The following CDHR3 variants were observed in gnomAD, a reference collection of about 807,000 sequenced individuals.
The protein encoded by CDHR3 is cadherin-related family member 3.
In CDHR3, 79 loss-of-function variants were observed where a neutral mutation model predicts 86.6. The observed-to-expected ratio is 0.91, with a 90% CI of 0.76 to 1.10. The LOEUF (loss-of-function observed/expected upper bound fraction) is 1.10, where lower values mean the gene tolerates loss of function less well. Among genes scored for constraint, CDHR3 ranks in the 50% least tolerant of loss-of-function variants. The pLI, the probability that CDHR3 is intolerant of heterozygous loss-of-function variation, is 0.00. For synonymous variants in CDHR3, 421 were observed against 402.4 expected, an observed-to-expected ratio of 1.05 and a Z score of -0.55; for missense variants, 1,081 against 1,077.6, an observed-to-expected ratio of 1.00 and a Z score of -0.04.
intron 12 of CDHR3, among the ~76,000 whole-genome samples, chr7:106,020,035 A>ATG (rs199921513): frequency 1.4e-5 from 2 of 146,030 alleles, no homozygotes; most frequent in African/African-American, 5.1e-5. Context: ...GTCCAGGTGC[A>ATG]TGTGTGTGTG....
rs1477518831 is a variant in CDHR3 at position 106,032,532 on chromosome 7, G to GT, written c.2494dup (p.Ser832PhefsTer11). On this transcript the variant is annotated frameshift_variant, in exon 19 of 19. Transcript: ENST00000317716. LOFTEE classifies it low-confidence loss of function (END_TRUNC). ...GAGTCACTGCTGGGGAAGGGATGGG[G>GT]TCACTGAGAAGTGCCAACTGGGAAG... The GT allele has an allele frequency of 6.2e-7, 1 of 1,613,872 alleles. No individual in the cohort carries two copies. The highest frequency in any genetic ancestry group is 8.5e-7 in the Non-Finnish European group (1 of 1,179,884).
intron 12 of CDHR3, among the ~76,000 whole-genome samples, chr7:106,018,335 T>C (rs1397112239): frequency 6.6e-6 from 1 of 152,172 alleles, no homozygotes; most frequent in African/African-American, 2.4e-5. Context: ...CTCCTGGGCT[T>C]AAGCGATTCT....
At chr7:105,979,323 C>T (rs954299272) in intron 2 of CDHR3, among the ~76,000 whole-genome samples, 1 of 152,140 alleles carries the variant, frequency 6.6e-6, no homozygotes, top group Non-Finnish European at 1.5e-5. Flanking sequence ...TCTACACTTA[C>T]GTGGCTCCTA....
chr7:106,004,222 C>G (rs1833623835), intron 7 of CDHR3, among the ~76,000 whole-genome samples: 1 of 152,204 alleles, frequency 6.6e-6, no homozygotes, highest in Non-Finnish European at 1.5e-5. Context: ...AAGCTGGAGT[C>G]AGTTATTCAC....
intron 4 of CDHR3, among the ~76,000 whole-genome samples, chr7:105,990,868 C>G (rs992971979): frequency 6.6e-6 from 1 of 152,160 alleles, no homozygotes; most frequent in Non-Finnish European, 1.5e-5. Context: ...GGGCCAGCTC[C>G]CTCTCACCTT....
At chr7:106,026,660 G>A (rs1326657678) in intron 15 of CDHR3, 22 bp from the exon 16 acceptor site, 2 of 1,613,166 alleles carry the variant, frequency 1.2e-6, no homozygotes, top group African/African-American at 2.7e-5. Context: ...TGAATTAATA[G>A]CCATTCTTTT....
In CDHR3 at chr7:106,022,408, T is replaced by C; in HGVS notation, c.2036T>C (p.Val679Ala). 1 of 1,613,970 alleles carries C rather than the reference T, an allele frequency of 6.2e-7. No homozygotes were observed. Among genetic ancestry groups the C allele is most frequent in the Non-Finnish European group, 8.5e-7 (1 of 1,179,864 alleles). Residue 679 changes from valine (V) to alanine (A), a missense_variant, in exon 14 of 19, where the codon GTC becomes GCC. Coordinates refer to ENST00000317716, the MANE Select transcript of CDHR3 (RefSeq NM_152750.5). Reference protein sequence around the residue: ...ETGTVTLSIKVIPHPTTIITT... With the variant: ...ETGTVTLSIKAIPHPTTIITT... Reference sequence around the variant, plus strand: ...GGAACAGTGACACTGAGTATTAAAGTCATTCCCCACCCAACCACTATCATC... The same window carrying C: ...GGAACAGTGACACTGAGTATTAAAGCCATTCCCCACCCAACCACTATCATC...
chr7:106,015,599 T>C (rs1444966422), intron 10 of CDHR3, among the ~76,000 whole-genome samples: 1 of 152,206 alleles, frequency 6.6e-6, no homozygotes, highest in Non-Finnish European at 1.5e-5. Context: ...GTGAATTATG[T>C]GGTTTTATAC....
intron 3 of CDHR3, among the ~76,000 whole-genome samples, chr7:105,983,879 T>A (rs1028960026): frequency 2.6e-5 from 4 of 152,102 alleles, no homozygotes; most frequent in Non-Finnish European, 5.9e-5. Flanking sequence ...TGGGTTTACT[T>A]CCCAACTCTC....
At chr7:106,016,869 A>C (rs772039412) in intron 11 of CDHR3, among the ~76,000 whole-genome samples, 1 of 152,224 alleles carries the variant, frequency 6.6e-6, no homozygotes, top group Non-Finnish European at 1.5e-5. Flanking sequence ...GGGAATTCAC[A>C]GATCTTACTG....
chr7:105,970,309 T>C (rs991449705), intron 1 of CDHR3, among the ~76,000 whole-genome samples: 10 of 152,298 alleles, frequency 6.6e-5, no homozygotes, highest in African/African-American at 1.4e-4. Flanking sequence ...GGAAGCCCCA[T>C]TGGTCCATTT....
chr7:106,017,564 G>GGCAC (rs1554527209), intron 11 of CDHR3, among the ~76,000 whole-genome samples: 1 of 130,548 alleles, frequency 7.7e-6, no homozygotes, highest in Non-Finnish European at 1.6e-5. Flanking sequence ...GTCACACACA[G>GGCAC]ACACACACAC....
intron 8 of CDHR3, among the ~76,000 whole-genome samples, chr7:106,010,459 G>T (rs1177321376): frequency 6.6e-6 from 1 of 152,184 alleles, no homozygotes; most frequent in Admixed American, 6.5e-5. Context: ...ATGACATTGT[G>T]CAATCAAGGC....
At chr7:105,967,659 A>G (rs1362999323) in intron 1 of CDHR3, among the ~76,000 whole-genome samples, 1 of 152,196 alleles carries the variant, frequency 6.6e-6, no homozygotes, top group Admixed American at 6.5e-5. Context: ...AACTGGTGTA[A>G]GATGGTATCT....
At chr7:106,002,561 G>A (rs1833361319) in intron 7 of CDHR3, among the ~76,000 whole-genome samples, 1 of 152,130 alleles carries the variant, frequency 6.6e-6, no homozygotes, top group South Asian at 2.1e-4. Flanking sequence ...ATGCCAAGGT[G>A]CCATATTTTG....
intron 8 of CDHR3, among the ~76,000 whole-genome samples, chr7:106,005,380 A>G (rs979173695): frequency 3.9e-5 from 6 of 152,164 alleles, no homozygotes; most frequent in Non-Finnish European, 7.3e-5. Flanking sequence ...TCTTTCTACT[A>G]TTTTGTCAAA....
intron 1 of CDHR3, among the ~76,000 whole-genome samples, chr7:105,970,218 T>A (rs560912759): frequency 6.6e-6 from 1 of 152,204 alleles, no homozygotes; most frequent in African/African-American, 2.4e-5. Context: ...ATCTCCACTT[T>A]CAGTGTCAAA....
At chr7:105,973,295 C>T (rs1828253643) in intron 1 of CDHR3, among the ~76,000 whole-genome samples, 1 of 152,166 alleles carries the variant, frequency 6.6e-6, no homozygotes, top group Non-Finnish European at 1.5e-5. Flanking sequence ...ACATTTTGCA[C>T]TTATTTGTAA....
chr7:105,995,142 T>C (rs913551534), intron 5 of CDHR3, among the ~76,000 whole-genome samples: 2 of 152,226 alleles, frequency 1.3e-5, no homozygotes, highest in Non-Finnish European at 2.9e-5. Context: ...TGCACATTTG[T>C]GTCTTTCCAT....
Sources: gnomAD v4.1 joint callset for allele counts (sites outside exome capture counted in the v4.1 genomes callset) on GRCh38, gnomAD v4.1.1 for gene constraint, MANE v1.5 for transcripts, NCBI Gene and HGNC (gene_info 2026-07-23, HGNC 2026-07-21) for gene names.